The following ATP8A2 variants were observed in gnomAD, a reference collection of about 807,000 sequenced individuals.
ATP8A2 encodes phospholipid-transporting ATPase IB.
In ATP8A2, 100 loss-of-function variants were observed where a neutral mutation model predicts 165.6. The ratio of observed to expected loss-of-function variants is 0.60; its 90% confidence interval spans 0.51 to 0.71. The LOEUF is 0.71. ATP8A2 is among the 30% of genes least tolerant of loss of function. The probability of loss-of-function intolerance (pLI) is 0.00; values close to 1 mark genes in which losing one functional copy is unlikely to be tolerated. For missense variants in ATP8A2, 1,227 were observed against 1,479.5 expected (o/e 0.83, Z 2.80); for synonymous variants, 543 against 548.8 (o/e 0.99, Z 0.15).
Position 25,578,904 on chromosome 13 carries a change from G to A in ATP8A2, c.1867+5G>A. 1 of 1,594,704 alleles carries A rather than the reference G, an allele frequency of 6.3e-7. No individual in the cohort carries two copies. The highest frequency in any genetic ancestry group is 1.3e-5 in the African/African-American group (1 of 74,640). Reference sequence around the variant, plus strand: ...TGGAATACTTTGCCACGGAAGGTAAGTGGAATTTGGAAATGCTGTTTTTGG... The same window carrying A: ...TGGAATACTTTGCCACGGAAGGTAAATGGAATTTGGAAATGCTGTTTTTGG... On this transcript the variant is annotated splice_donor_5th_base_variant and intron_variant, in intron 21 of 36. Transcript: ENST00000381655.
In ATP8A2 at chr13:25,583,836, C is replaced by G. The variant is rs183289735; in HGVS notation, c.2146+1879C>G. 5.7e-5 allele frequency among the ~76,000 whole-genome samples: 6 copies of G among 105,172 alleles called. No individual in the cohort carries two copies. In the East Asian group the frequency reaches 1.2e-3, roughly 20 times the overall value. 69.0% of individuals were successfully genotyped at this position (105,172 alleles called of 152,430 possible). On this transcript the variant is annotated intron_variant, in intron 23 of 36. Coordinates refer to ENST00000381655, the MANE Select transcript of ATP8A2 (RefSeq NM_016529.6). ...GATTGTATTATTTTGTACTTTTTTT[C>G]TAAGTGGGTGTAGTAACGTGTAGTG...
At chr13:25,471,383 C>T (rs2035841215) in intron 2 of ATP8A2, among the ~76,000 whole-genome samples, 1 of 148,830 alleles carries the variant, frequency 6.7e-6, no homozygotes, top group Non-Finnish European at 1.5e-5. Flanking sequence ...TGGAGTCTTG[C>T]TCTGTCTCCC....
chr13:25,554,249 A>G (rs993255631), intron 12 of ATP8A2, among the ~76,000 whole-genome samples: 2 of 152,142 alleles, frequency 1.3e-5, no homozygotes, highest in South Asian at 4.1e-4. Context: ...GGGTGTGTTT[A>G]CTATAGTGGT....
At chr13:25,648,987 A>G (rs770694081) in intron 24 of ATP8A2, 3 of 497,986 alleles carry the variant, frequency 6.0e-6, no homozygotes, top group East Asian at 5.6e-5. Context: ...ATTTTTTGTC[A>G]TCATTTTATT....
intron 2 of ATP8A2, among the ~76,000 whole-genome samples, chr13:25,483,611 A>G (rs780725786): frequency 1.4e-4 from 21 of 152,238 alleles, no homozygotes; most frequent in Non-Finnish European, 2.4e-4. Context: ...TGAGAATTAA[A>G]TGAGAACATC....
At chr13:25,761,253 C>T (rs1002645106) in intron 25 of ATP8A2, among the ~76,000 whole-genome samples, 5 of 152,178 alleles carry the variant, frequency 3.3e-5, no homozygotes, top group African/African-American at 9.7e-5. Flanking sequence ...AGCGTGTTGA[C>T]CTGTATTTCT....
chr13:25,721,916 A>T (rs1414679525), intron 25 of ATP8A2, among the ~76,000 whole-genome samples: 1 of 152,224 alleles, frequency 6.6e-6, no homozygotes. Flanking sequence ...ACGCATGTAC[A>T]AGTTTTTGCA....
chr13:25,936,497 T>C (rs1458956127), intron 33 of ATP8A2, among the ~76,000 whole-genome samples: 1 of 152,174 alleles, frequency 6.6e-6, no homozygotes, highest in Non-Finnish European at 1.5e-5. Flanking sequence ...TATCCCTTAA[T>C]TGAAAGAAAA....
chr13:25,758,659 C>G (rs1204647535), intron 25 of ATP8A2, among the ~76,000 whole-genome samples: 1 of 152,222 alleles, frequency 6.6e-6, no homozygotes, highest in Admixed American at 6.5e-5. Context: ...CCTGCCACCA[C>G]CACCACATCT....
intron 35 of ATP8A2, among the ~76,000 whole-genome samples, chr13:26,000,633 A>T (rs946438309): frequency 1.4e-5 from 2 of 147,638 alleles, no homozygotes; most frequent in Admixed American, 1.4e-4. Context: ...GGGTGAAGTA[A>T]TGTCTACACA....
intron 33 of ATP8A2, among the ~76,000 whole-genome samples, chr13:25,913,386 C>G (rs903927704): frequency 6.6e-6 from 1 of 152,162 alleles, no homozygotes; most frequent in Non-Finnish European, 1.5e-5. Flanking sequence ...TAACAAAATT[C>G]AGATACATCA....
At chr13:25,547,538 C>A (rs1016101085) in intron 10 of ATP8A2, among the ~76,000 whole-genome samples, 9 of 152,128 alleles carry the variant, frequency 5.9e-5, no homozygotes, top group African/African-American at 2.2e-4. Flanking sequence ...TGCAGGAAGA[C>A]AAGCTCAGGG....
chr13:25,813,376 T>C (rs1163473592), intron 27 of ATP8A2, among the ~76,000 whole-genome samples: 1 of 138,092 alleles, frequency 7.2e-6, no homozygotes, highest in Non-Finnish European at 1.5e-5. Flanking sequence ...CCAGCCAGGA[T>C]GATGATATAT....
rs144218413 is a variant in ATP8A2, at chr13:25,469,504, C to T, written c.221+383C>T. 4.4e-4 allele frequency among the ~76,000 whole-genome samples: 67 copies of T among 152,260 alleles called. 1 individual carries two copies. The East Asian group carries it at 7.3e-3, about 17-fold the overall frequency. ...CTTCTTTAGCAATTTTTAGACCATACTATGGGGGACGTGCTTCATAAGGGA... is the reference window on the plus strand; with the variant it reads ...CTTCTTTAGCAATTTTTAGACCATATTATGGGGGACGTGCTTCATAAGGGA... On this transcript the variant is annotated intron_variant, in intron 2 of 36. Coordinates refer to ENST00000381655, the MANE Select transcript of ATP8A2 (RefSeq NM_016529.6).
intron 33 of ATP8A2, among the ~76,000 whole-genome samples, chr13:25,942,037 G>T (rs960661230): frequency 6.6e-6 from 1 of 151,904 alleles, no homozygotes; most frequent in African/African-American, 2.4e-5. Flanking sequence ...ATCATGCAGG[G>T]TTTTGAAACT....
intron 1 of ATP8A2, among the ~76,000 whole-genome samples, chr13:25,448,817 T>C (rs2035137022): frequency 6.6e-6 from 1 of 152,052 alleles, no homozygotes; most frequent in Non-Finnish European, 1.5e-5. Flanking sequence ...CCCTGGCTAA[T>C]TTTTGTATTT....
chr13:25,488,763 T>G (rs1205301015), intron 2 of ATP8A2, among the ~76,000 whole-genome samples: 1 of 151,948 alleles, frequency 6.6e-6, no homozygotes, highest in African/African-American at 2.4e-5. Flanking sequence ...TTTGGTGGTG[T>G]TTTTGTCCTT....
intron 24 of ATP8A2, among the ~76,000 whole-genome samples, chr13:25,627,370 G>A (rs1420598748): frequency 6.6e-6 from 1 of 152,108 alleles, no homozygotes; most frequent in Non-Finnish European, 1.5e-5. Context: ...CATTGACAGG[G>A]CTGTGGATTG....
rs370216347 is a variant in ATP8A2 at position 25,699,331 on chromosome 13, G to A, written c.2370G>A (p.Ala790=). The A allele has an allele frequency of 8.1e-6, 13 of 1,612,180 alleles. No individual in the cohort carries two copies. Among genetic ancestry groups the A allele is most frequent in the East Asian group, 4.5e-5 (2 of 44,850 alleles). ...SFLDLALSCK[A]VICCRVSPLQ... is the part of the protein sequence containing the mutation. ...TGGATTTGGCACTCTCGTGCAAAGCGGTCATATGCTGCAGGTAGGAACCTG... is the reference window on the plus strand; with the variant it reads ...TGGATTTGGCACTCTCGTGCAAAGCAGTCATATGCTGCAGGTAGGAACCTG... Residue 790 remains alanine (A), a synonymous_variant, in exon 25 of 37, where the codon GCG becomes GCA. Transcript: ENST00000381655.
Sources: gnomAD v4.1 joint callset for allele counts (sites outside exome capture counted in the v4.1 genomes callset) on GRCh38, gnomAD v4.1.1 for gene constraint, MANE v1.5 for transcripts, NCBI Gene and HGNC (gene_info 2026-07-23, HGNC 2026-07-21) for gene names.